Variants in CCDC178 observed in about 807,000 individuals in gnomAD.
The protein encoded by CCDC178 is coiled-coil domain containing 178.
CCDC178 carries 126 observed loss-of-function variants against 117.4 expected under a neutral mutation model. The ratio of observed to expected loss-of-function variants is 1.07; its 90% CI spans 0.93 to 1.24. CCDC178 has a LOEUF of 1.24. Among genes scored for constraint, CCDC178 ranks in the 50% most tolerant of loss-of-function variants. The pLI is 0.00. For missense variants in CCDC178, 1,030 were observed against 986.9 expected (o/e 1.04, Z -0.59); for synonymous variants, 283 against 313.4 (o/e 0.90, Z 1.02).
chr18:33,300,381 G>A (rs1818791958), intron 11 of CCDC178, among the ~76,000 whole-genome samples: 1 of 152,134 alleles, frequency 6.6e-6, no homozygotes, highest in Admixed American at 6.6e-5. Context: ...CAAGGAATTG[G>A]GCATTGCTAT....
Position 33,091,773 on chromosome 18 carries a change from G to A in CCDC178, c.2388+988C>T, listed in dbSNP as rs143664096. On this transcript the variant is annotated intron_variant, in intron 21 of 22. Coordinates refer to ENST00000383096, the MANE Select transcript of CCDC178 (RefSeq NM_001105528.4). ...ATGAATGTAATAATTACTTACAGTC[G>A]TATAGCATCCCTTAAATTTTAAAGT... 1.7e-3 allele frequency among the ~76,000 whole-genome samples: 260 copies of A among 152,204 alleles called. 2 individuals are homozygous for A. The highest frequency in any genetic ancestry group is 5.9e-3 in the African/African-American group (247 of 41,552).
intron 9 of CCDC178, among the ~76,000 whole-genome samples, chr18:33,343,603 A>C (rs1272027021): frequency 6.6e-6 from 1 of 152,174 alleles, no homozygotes; most frequent in Non-Finnish European, 1.5e-5. Flanking sequence ...ACAGGAAGAC[A>C]GAATGCAAAC....
At chr18:33,397,031 A>G (rs1434974597) in intron 4 of CCDC178, 118 bp downstream of exon 4, 1 of 663,636 alleles carries the variant, frequency 1.5e-6, no homozygotes, top group African/African-American at 1.8e-5. Flanking sequence ...TTGATAGAAC[A>G]TCAATTAGGA....
intron 20 of CCDC178, among the ~76,000 whole-genome samples, chr18:33,107,948 A>C (rs550240535): frequency 2.0e-5 from 3 of 151,686 alleles, no homozygotes; most frequent in Non-Finnish European, 4.4e-5. Flanking sequence ...GTGAAAGATA[A>C]AATTTTTTGA....
intron 21 of CCDC178, among the ~76,000 whole-genome samples, chr18:33,060,674 G>A (rs188906075): frequency 2.6e-5 from 4 of 152,048 alleles, no homozygotes; most frequent in Admixed American, 2.6e-4. Context: ...ACACTGTTAC[G>A]CTGAAGTCAA....
chr18:33,342,817 T>C (rs2062833489), intron 9 of CCDC178, among the ~76,000 whole-genome samples: 1 of 152,152 alleles, frequency 6.6e-6, no homozygotes, highest in Non-Finnish European at 1.5e-5. Flanking sequence ...CAAAGCACAA[T>C]TGTAGTAATA....
chr18:33,167,933 T>C (rs1332560883), intron 20 of CCDC178, among the ~76,000 whole-genome samples: 1 of 152,002 alleles, frequency 6.6e-6, no homozygotes, highest in Non-Finnish European at 1.5e-5. Flanking sequence ...TTTGCCAACA[T>C]TTAATGGGTA....
At chr18:33,255,584 A>G (rs539625286) in intron 14 of CCDC178, among the ~76,000 whole-genome samples, 38 of 152,094 alleles carry the variant, frequency 2.5e-4, no homozygotes, top group Non-Finnish European at 5.6e-4. Context: ...GATATAGAAC[A>G]ACGCCCAAAA....
intron 14 of CCDC178, among the ~76,000 whole-genome samples, chr18:33,251,107 G>A (rs1043356882): frequency 6.6e-6 from 1 of 151,560 alleles, no homozygotes; most frequent in Non-Finnish European, 1.5e-5. Context: ...AGAAATAGAC[G>A]TGTTTATTTT....
intron 20 of CCDC178, among the ~76,000 whole-genome samples, chr18:33,103,160 A>C (rs933606098): frequency 6.6e-6 from 1 of 151,818 alleles, no homozygotes; most frequent in African/African-American, 2.4e-5. Context: ...GGGAGGCCTG[A>C]GAATCATGGT....
At chr18:33,031,071 AT>A (rs1354749892) in intron 21 of CCDC178, among the ~76,000 whole-genome samples, 1 of 152,134 alleles carries the variant, frequency 6.6e-6, no homozygotes, top group Non-Finnish European at 1.5e-5. Flanking sequence ...CAATTTTAGG[AT>A]TAAAATTGAC....
chr18:33,305,241 C>T (rs2062232903), intron 11 of CCDC178, among the ~76,000 whole-genome samples: 1 of 152,156 alleles, frequency 6.6e-6, no homozygotes, highest in Admixed American at 6.5e-5. Flanking sequence ...CAGCAAAGGA[C>T]ATGCATTAGT....
intron 10 of CCDC178, chr18:33,328,000 A>G: frequency 2.8e-6 from 1 of 360,810 alleles, no homozygotes; most frequent in South Asian, 2.0e-5. Context: ...AATGCTTTTA[A>G]TTTTGACTAA....
Position 33,362,550 on chromosome 18 carries a change from T to C in CCDC178, c.349-6204A>G, listed in dbSNP as rs77580289. ...GGGATTTTTGTTAAATAAGTAGGTA[T>C]TTGTTGCTCTTGTCACAAGGATGTC... On this transcript the variant is annotated intron_variant, in intron 6 of 22. Transcript: ENST00000383096. Among the ~76,000 whole-genome samples the C allele has an allele frequency of 8.0e-3, 1,220 of 151,936 alleles. 43 individuals carry two copies. In the South Asian group the frequency reaches 0.083, roughly 10 times the overall value.
chr18:33,320,640 T>C (rs1342380787), intron 11 of CCDC178, among the ~76,000 whole-genome samples: 3 of 152,154 alleles, frequency 2.0e-5, no homozygotes, highest in African/African-American at 7.2e-5. Flanking sequence ...GAAGAATCAA[T>C]ACTGTGAAAA....
chr18:33,345,825 A>G (rs969947269), intron 9 of CCDC178, among the ~76,000 whole-genome samples: 1 of 152,170 alleles, frequency 6.6e-6, no homozygotes, highest in South Asian at 2.1e-4. Flanking sequence ...GTTTATATGC[A>G]AAACAATATG....
intron 21 of CCDC178, among the ~76,000 whole-genome samples, chr18:33,041,438 G>A (rs972400205): frequency 2.8e-5 from 4 of 144,344 alleles, no homozygotes; most frequent in Non-Finnish European, 6.0e-5. Context: ...TATAATATAT[G>A]TTATATTAGA....
intron 21 of CCDC178, among the ~76,000 whole-genome samples, chr18:33,007,455 G>GCAACA (rs2055774499): frequency 6.6e-6 from 1 of 152,114 alleles, no homozygotes; most frequent in African/African-American, 2.4e-5. Context: ...GTGACATCTT[G>GCAACA]TAAATGGAAA....
chr18:33,336,039 A>G (rs527562292), intron 9 of CCDC178, among the ~76,000 whole-genome samples: 21 of 152,258 alleles, frequency 1.4e-4, no homozygotes, highest in Non-Finnish European at 1.2e-4. Context: ...TTTAAATGAC[A>G]TTCTCCACTT....
Sources: gnomAD v4.1 joint callset for allele counts (sites outside exome capture counted in the v4.1 genomes callset) on GRCh38, gnomAD v4.1.1 for gene constraint, MANE v1.5 for transcripts, NCBI Gene and HGNC (gene_info 2026-07-23, HGNC 2026-07-21) for gene names.